The following LRFN5 variants were observed in gnomAD, a reference collection of about 807,000 sequenced individuals.
LRFN5 encodes the protein leucine-rich repeat and fibronectin type-III domain-containing protein 5.
A neutral mutation model predicts 45.6 loss-of-function variants in LRFN5; 24 were observed. That is an observed-to-expected ratio of 0.53 (90% CI 0.38 to 0.74). The LOEUF (loss-of-function observed/expected upper bound fraction) is 0.74, where lower values mean the gene tolerates loss of function less well. Among genes scored for constraint, LRFN5 ranks in the 30% least tolerant of loss-of-function variants. The probability of loss-of-function intolerance (pLI) is 0.00; values close to 1 mark genes in which losing one functional copy is unlikely to be tolerated. For missense variants in LRFN5, 776 were observed against 861.5 expected, an observed-to-expected ratio of 0.90 and a Z score of 1.24; for synonymous variants, 340 against 313.8, an observed-to-expected ratio of 1.08 and a Z score of -0.88.
chr14:41,658,982 C>A (rs1283556208), intron 1 of LRFN5, among the ~76,000 whole-genome samples: 2 of 151,774 alleles, frequency 1.3e-5, no homozygotes, highest in African/African-American at 4.8e-5. Flanking sequence ...ACCGTGTTTT[C>A]TTTTTTTCTT....
chr14:41,819,762 C>A (rs1038705193), intron 2 of LRFN5, among the ~76,000 whole-genome samples: 4 of 152,132 alleles, frequency 2.6e-5, no homozygotes, highest in Admixed American at 2.0e-4. Flanking sequence ...TGGTGTTAAA[C>A]CAGGAGAGAT....
chr14:41,649,823 C>T (rs1880008620), intron 1 of LRFN5, among the ~76,000 whole-genome samples: 1 of 152,106 alleles, frequency 6.6e-6, no homozygotes, highest in African/African-American at 2.4e-5. Context: ...TCCTACTTGA[C>T]CCTGCTGTAT....
At chr14:41,670,906 G>C (rs1221971225) in intron 1 of LRFN5, among the ~76,000 whole-genome samples, 1 of 151,834 alleles carries the variant, frequency 6.6e-6, no homozygotes, top group Non-Finnish European at 1.5e-5. Flanking sequence ...ACTTTTAAAA[G>C]CTTCTGTTTT....
chr14:41,844,035 G>A (rs1323388969), intron 2 of LRFN5, among the ~76,000 whole-genome samples: 3 of 152,026 alleles, frequency 2.0e-5, no homozygotes, highest in Non-Finnish European at 4.4e-5. Flanking sequence ...TCATAACAGA[G>A]GAAAAAACAG....
chr14:41,849,732 C>T lies in LRFN5; in HGVS notation c.-20-36874C>T, dbSNP rs533736334. Among the ~76,000 whole-genome samples, 45 of 151,992 alleles carry T rather than the reference C, an allele frequency of 3.0e-4. No individual in the cohort carries two copies. The South Asian group carries it at 8.5e-3, about 29-fold the overall frequency. ...CATGGTGTAAATTCAGTTAATGCGT[C>T]GGCTCAAAGGGAAGTAATGTTGTAA... On this transcript the variant is annotated intron_variant, in intron 2 of 5. Coordinates refer to ENST00000298119, the MANE Select transcript of LRFN5 (RefSeq NM_152447.5).
intron 5 of LRFN5, among the ~76,000 whole-genome samples, chr14:41,903,503 G>A (rs1891160655): frequency 6.6e-6 from 1 of 151,236 alleles, no homozygotes; most frequent in Admixed American, 6.6e-5. Context: ...AATCCATGAA[G>A]ACTGAGAACA....
chr14:41,661,997 T>A (rs1178608773), intron 1 of LRFN5, among the ~76,000 whole-genome samples: 5 of 152,062 alleles, frequency 3.3e-5, no homozygotes. Context: ...GAGTATCCCA[T>A]GAATGACATT....
chr14:41,737,064 G>T (rs1389024855), intron 1 of LRFN5, among the ~76,000 whole-genome samples: 2 of 152,026 alleles, frequency 1.3e-5, no homozygotes, highest in African/African-American at 4.8e-5. Flanking sequence ...AAAATTTCAG[G>T]CCAGTATCCC....
At chr14:41,662,417 C>T (rs943667950) in intron 1 of LRFN5, among the ~76,000 whole-genome samples, 1 of 151,874 alleles carries the variant, frequency 6.6e-6, no homozygotes, top group African/African-American at 2.4e-5. Flanking sequence ...TACCCTGGAA[C>T]TTAAGAACCA....
intron 1 of LRFN5, among the ~76,000 whole-genome samples, chr14:41,641,683 T>G (rs1011173586): frequency 6.6e-6 from 1 of 152,064 alleles, no homozygotes; most frequent in African/African-American, 2.4e-5. Flanking sequence ...AGATCCATGG[T>G]GTCCCAAACC....
At chr14:41,778,168 G>A (rs2166752) in intron 2 of LRFN5, among the ~76,000 whole-genome samples, 41,544 of 151,292 alleles carry the variant, frequency 0.27, 6,877 homozygotes, top group East Asian at 0.73. Context: ...TATTTATAAT[G>A]ACTGAAAATA....
At chr14:41,782,007 G>C (rs904819472) in intron 2 of LRFN5, among the ~76,000 whole-genome samples, 65 of 152,006 alleles carry the variant, frequency 4.3e-4, no homozygotes, top group Admixed American at 2.1e-3. Flanking sequence ...TATGTTTCTT[G>C]GCATTTGTAC....
chr14:41,745,645 A>AAG (rs1491434457), intron 1 of LRFN5, among the ~76,000 whole-genome samples: 2 of 151,850 alleles, frequency 1.3e-5, no homozygotes, highest in Non-Finnish European at 2.9e-5. Flanking sequence ...CTAAGAAAAA[A>AAG]AGAGAAGATT....
chr14:41,845,331 A>G (rs1445147809), intron 2 of LRFN5, among the ~76,000 whole-genome samples: 1 of 152,146 alleles, frequency 6.6e-6, no homozygotes, highest in Non-Finnish European at 1.5e-5. Context: ...GTATACATTT[A>G]ATAGACTATA....
At chr14:41,698,083 A>G (rs2138719272) in intron 1 of LRFN5, among the ~76,000 whole-genome samples, 1 of 152,056 alleles carries the variant, frequency 6.6e-6, no homozygotes, top group East Asian at 1.9e-4. Flanking sequence ...TTTTGTTTTA[A>G]AAAGGGAAGG....
At chr14:41,839,891 G>A (rs546104270) in intron 2 of LRFN5, among the ~76,000 whole-genome samples, 1 of 152,148 alleles carries the variant, frequency 6.6e-6, no homozygotes, top group Admixed American at 6.6e-5. Context: ...AATACAGAGG[G>A]GAACAGCCAA....
intron 1 of LRFN5, among the ~76,000 whole-genome samples, chr14:41,705,987 C>G (rs941350929): frequency 2.6e-5 from 4 of 152,194 alleles, no homozygotes; most frequent in African/African-American, 9.7e-5. Context: ...TCCTTTTTAT[C>G]CCATCATAAT....
intron 1 of LRFN5, among the ~76,000 whole-genome samples, chr14:41,705,396 A>G (rs142894126): frequency 6.6e-6 from 1 of 152,346 alleles, no homozygotes; most frequent in East Asian, 1.9e-4. Flanking sequence ...TGATAATATT[A>G]CAATTTGAAA....
At chr14:41,867,619 T>C (rs1889883284) in intron 2 of LRFN5, among the ~76,000 whole-genome samples, 1 of 152,162 alleles carries the variant, frequency 6.6e-6, no homozygotes, top group Admixed American at 6.6e-5. Context: ...GTGTACATCA[T>C]CCCAGCTGAT....
Sources: allele counts gnomAD v4.1 joint callset (sites outside exome capture counted in the v4.1 genomes callset), GRCh38; gene constraint gnomAD v4.1.1; transcripts MANE v1.5; gene names NCBI Gene and HGNC (gene_info 2026-07-23, HGNC 2026-07-21).